Variants in CNTNAP5 observed in about 807,000 individuals in gnomAD.
CNTNAP5 encodes contactin associated protein family member 5, also known as contactin-associated protein-like 5.
Under a neutral mutation model 150.2 loss-of-function variants are expected in CNTNAP5, and 72 were observed. That is an observed-to-expected ratio of 0.48 (90% CI 0.40 to 0.58). CNTNAP5 has a LOEUF of 0.58. CNTNAP5 is among the 20% of genes least tolerant of loss of function. CNTNAP5 has a pLI of 0.00. For missense variants in CNTNAP5, 1,636 were observed against 1,626.2 expected (o/e 1.01, Z -0.10); for synonymous variants, 672 against 619.8 (o/e 1.08, Z -1.25).
At chr2:124,748,617 T>C (rs907946110) in intron 14 of CNTNAP5, among the ~76,000 whole-genome samples, 4 of 152,236 alleles carry the variant, frequency 2.6e-5, no homozygotes, top group Non-Finnish European at 5.9e-5. Context: ...TTCCCTTTAG[T>C]GTTTTTACTC....
At chr2:124,723,822 C>A (rs535966147) in intron 13 of CNTNAP5, among the ~76,000 whole-genome samples, 1 of 152,042 alleles carries the variant, frequency 6.6e-6, no homozygotes, top group Non-Finnish European at 1.5e-5. Flanking sequence ...GCCCAAACAG[C>A]GTCATTTTAG....
At chr2:124,496,493 T>C (rs1029148318) in intron 7 of CNTNAP5, among the ~76,000 whole-genome samples, 2 of 152,216 alleles carry the variant, frequency 1.3e-5, no homozygotes, top group Non-Finnish European at 2.9e-5. Context: ...CTTTATTTTT[T>C]ACTCACCAGG....
intron 3 of CNTNAP5, among the ~76,000 whole-genome samples, chr2:124,318,922 A>G (rs1325439616): frequency 3.3e-5 from 5 of 152,294 alleles, no homozygotes; most frequent in Non-Finnish European, 1.5e-5. Context: ...CTCTCCAGGC[A>G]GTCTTCCTAC....
chr2:124,533,315 G>A (rs974342992), intron 10 of CNTNAP5, among the ~76,000 whole-genome samples: 3 of 152,122 alleles, frequency 2.0e-5, no homozygotes, highest in African/African-American at 7.2e-5. Flanking sequence ...TAGGCAAATT[G>A]GAGCATTTTA....
At chr2:124,442,354 T>C (rs750464659) in intron 5 of CNTNAP5, among the ~76,000 whole-genome samples, 1 of 152,176 alleles carries the variant, frequency 6.6e-6, no homozygotes, top group Non-Finnish European at 1.5e-5. Context: ...GTCCCAATCA[T>C]GTACTTAGAG....
At chr2:124,700,993 T>G (rs1679509140) in intron 13 of CNTNAP5, among the ~76,000 whole-genome samples, 1 of 152,078 alleles carries the variant, frequency 6.6e-6, no homozygotes, top group Non-Finnish European at 1.5e-5. Flanking sequence ...TACGCATTTT[T>G]TTTGTTTGTT....
At chr2:124,627,852 C>T (rs937355271) in intron 12 of CNTNAP5, among the ~76,000 whole-genome samples, 1 of 152,130 alleles carries the variant, frequency 6.6e-6, no homozygotes, top group Admixed American at 6.5e-5. Flanking sequence ...ACTAGAATAA[C>T]CAGTTTAGAG....
intron 13 of CNTNAP5, among the ~76,000 whole-genome samples, chr2:124,717,715 T>C (rs1031884386): frequency 2.6e-5 from 4 of 152,172 alleles, no homozygotes; most frequent in African/African-American, 9.7e-5. Context: ...CTGACATAAA[T>C]GGTGTAAGCT....
At chr2:124,588,864 C>T (rs1696614312) in intron 11 of CNTNAP5, among the ~76,000 whole-genome samples, 1 of 152,092 alleles carries the variant, frequency 6.6e-6, no homozygotes. Flanking sequence ...TTGCCTTTCT[C>T]ACAGAGCCAG....
At chr2:124,722,237 C>A (rs749874786) in intron 13 of CNTNAP5, among the ~76,000 whole-genome samples, 8 of 152,080 alleles carry the variant, frequency 5.3e-5, no homozygotes, top group Non-Finnish European at 1.2e-4. Context: ...TCCATCCCAA[C>A]AGCTCAAAAG....
chr2:124,829,984 A>T (rs916337934), intron 19 of CNTNAP5, among the ~76,000 whole-genome samples: 4 of 151,544 alleles, frequency 2.6e-5, no homozygotes, highest in Non-Finnish European at 4.4e-5. Flanking sequence ...ATTTTAGAAA[A>T]GATTTAACAT....
chr2:124,705,847 CAAACTGTT>C (rs1425649977), intron 13 of CNTNAP5, among the ~76,000 whole-genome samples: 1 of 151,848 alleles, frequency 6.6e-6, no homozygotes, highest in Non-Finnish European at 1.5e-5. Context: ...ATTAATAAAG[CAAACTGTT>C]AAATTTCAGG....
At chr2:124,352,361 A>ATT (rs1204695221) in intron 3 of CNTNAP5, among the ~76,000 whole-genome samples, 1 of 152,194 alleles carries the variant, frequency 6.6e-6, no homozygotes. Context: ...ATAGGTGAAT[A>ATT]TTACAACCAT....
intron 18 of CNTNAP5, among the ~76,000 whole-genome samples, chr2:124,794,091 T>C (rs1681793071): frequency 6.6e-6 from 1 of 152,226 alleles, no homozygotes; most frequent in African/African-American, 2.4e-5. Flanking sequence ...CATTTCTATG[T>C]AAGTCACCAA....
intron 1 of CNTNAP5, among the ~76,000 whole-genome samples, chr2:124,195,768 G>T (rs781090969): frequency 1.3e-5 from 2 of 152,134 alleles, no homozygotes; most frequent in Non-Finnish European, 2.9e-5. Flanking sequence ...TGATGAAAAT[G>T]AACCTAGAAA....
intron 1 of CNTNAP5, among the ~76,000 whole-genome samples, chr2:124,115,984 A>G (rs930814044): frequency 6.6e-6 from 1 of 152,164 alleles, no homozygotes; most frequent in African/African-American, 2.4e-5. Context: ...GTAAAGCTCA[A>G]TGCTTGGCAC....
chr2:124,443,749 T>C (rs890856401), intron 5 of CNTNAP5, among the ~76,000 whole-genome samples: 2 of 151,786 alleles, frequency 1.3e-5, no homozygotes, highest in African/African-American at 4.8e-5. Context: ...ACTTAGTAGT[T>C]GATTAAAGGC....
At chr2:124,749,166 C>T (rs1024004739) in intron 14 of CNTNAP5, among the ~76,000 whole-genome samples, 15 of 152,156 alleles carry the variant, frequency 9.9e-5, no homozygotes, top group Admixed American at 5.9e-4. Flanking sequence ...TGCCGTAAAA[C>T]ATATTCAAAC....
chr2:124,760,655 G>A (rs1349680745), intron 14 of CNTNAP5, among the ~76,000 whole-genome samples: 1 of 152,004 alleles, frequency 6.6e-6, no homozygotes, highest in African/African-American at 2.4e-5. Flanking sequence ...TATTCCATGT[G>A]CCCTTGTAGA....
Sources: gnomAD v4.1 joint callset for allele counts (sites outside exome capture counted in the v4.1 genomes callset) on GRCh38, gnomAD v4.1.1 for gene constraint, MANE v1.5 for transcripts, NCBI Gene and HGNC (gene_info 2026-07-23, HGNC 2026-07-21) for gene names.